The following DYM variants were observed in gnomAD, a reference collection of about 807,000 sequenced individuals.
DYM encodes the protein dymeclin.
Under a neutral mutation model 93.1 loss-of-function variants are expected in DYM, and 78 were observed. That is an observed-to-expected ratio of 0.84 (90% CI 0.70 to 1.01). The LOEUF is 1.01. Ranked by LOEUF, DYM falls within the 50% of genes least tolerant of loss-of-function variation. The pLI is 0.00. For synonymous variants in DYM, 321 were observed against 319.7 expected (o/e 1.00, Z -0.04); for missense variants, 789 against 845.0 (o/e 0.93, Z 0.82).
chr18:49,373,715 C>A (rs939049436), intron 5 of DYM, among the ~76,000 whole-genome samples: 10 of 152,268 alleles, frequency 6.6e-5, no homozygotes, highest in Non-Finnish European at 1.3e-4. Flanking sequence ...ATGCCTCTGA[C>A]AATATCACGT....
At chr18:49,108,766 T>C (rs1313262228) in intron 16 of DYM, among the ~76,000 whole-genome samples, 1 of 152,242 alleles carries the variant, frequency 6.6e-6, no homozygotes, top group Non-Finnish European at 1.5e-5. Flanking sequence ...TTCTGTATCA[T>C]CACAAATTTT....
intron 16 of DYM, among the ~76,000 whole-genome samples, chr18:49,102,879 T>C (rs1379575123): frequency 1.3e-5 from 2 of 152,208 alleles, no homozygotes; most frequent in African/African-American, 2.4e-5. Context: ...TAAACACACG[T>C]GTGCATGTGT....
chr18:49,436,478 T>C (rs183242003), intron 1 of DYM, among the ~76,000 whole-genome samples: 1 of 152,344 alleles, frequency 6.6e-6, no homozygotes, highest in East Asian at 1.9e-4. Context: ...AGGATATTGC[T>C]AGTTCCTTTT....
At chr18:49,220,375 G>T (rs768362045) in intron 13 of DYM, among the ~76,000 whole-genome samples, 4,531 of 149,274 alleles carry the variant, frequency 0.03, 124 homozygotes, top group Non-Finnish European at 0.044. Flanking sequence ...AGCTACCAAT[G>T]ACTTTCTTCA....
At chr18:49,113,490 T>C (rs977463113) in intron 16 of DYM, among the ~76,000 whole-genome samples, 1 of 152,206 alleles carries the variant, frequency 6.6e-6, no homozygotes, top group Admixed American at 6.5e-5. Flanking sequence ...ACGTTAAAAG[T>C]GCTCCAAGGT....
chr18:49,270,547 T>C (rs899479122), intron 11 of DYM, among the ~76,000 whole-genome samples: 2 of 152,140 alleles, frequency 1.3e-5, no homozygotes, highest in African/African-American at 4.8e-5. Context: ...TTCAGGATTT[T>C]TGCCAAAGGA....
At chr18:49,346,588 T>C (rs1316047313) in intron 6 of DYM, among the ~76,000 whole-genome samples, 4 of 151,596 alleles carry the variant, frequency 2.6e-5, no homozygotes, top group Admixed American at 2.0e-4. Context: ...TTTGTGAACA[T>C]ACTGCAAACC....
chr18:49,192,279 A>AT (rs1459062973), intron 14 of DYM, among the ~76,000 whole-genome samples: 3 of 152,074 alleles, frequency 2.0e-5, no homozygotes, highest in Non-Finnish European at 2.9e-5. Context: ...AAATGGGAAT[A>AT]ATAATATCTC....
intron 6 of DYM, among the ~76,000 whole-genome samples, chr18:49,356,594 G>C (rs1294639870): frequency 2.0e-5 from 3 of 152,124 alleles, no homozygotes; most frequent in Admixed American, 2.0e-4. Context: ...CTGTAGAAAG[G>C]CATTTTCCCA....
chr18:49,275,277 T>C (rs993863983), intron 10 of DYM, among the ~76,000 whole-genome samples: 7 of 152,154 alleles, frequency 4.6e-5, no homozygotes, highest in African/African-American at 1.7e-4. Context: ...CAGTTGATGA[T>C]AGGTATATGG....
chr18:49,181,023 A>G (rs564504237), intron 14 of DYM, among the ~76,000 whole-genome samples: 54 of 152,236 alleles, frequency 3.5e-4, no homozygotes, highest in African/African-American at 1.2e-3. Flanking sequence ...AACTGTGCAA[A>G]CCAAACACAG....
intron 16 of DYM, among the ~76,000 whole-genome samples, chr18:49,098,146 A>C (rs1454107655): frequency 6.6e-6 from 1 of 152,196 alleles, no homozygotes; most frequent in Non-Finnish European, 1.5e-5. Context: ...AAATGAAAAC[A>C]AAACATCATT....
At chr18:49,220,665 T>C (rs2093314024) in intron 13 of DYM, among the ~76,000 whole-genome samples, 1 of 152,200 alleles carries the variant, frequency 6.6e-6, no homozygotes, top group Non-Finnish European at 1.5e-5. Flanking sequence ...AAGGATTCCC[T>C]ATTTAATAAA....
chr18:49,225,446 A>G (rs2093495105), intron 13 of DYM, among the ~76,000 whole-genome samples: 1 of 152,108 alleles, frequency 6.6e-6, no homozygotes, highest in Non-Finnish European at 1.5e-5. Context: ...TGGCTGAAAC[A>G]CTGGAAAATA....
At chr18:49,224,268 G>A (rs953532636) in intron 13 of DYM, among the ~76,000 whole-genome samples, 1 of 152,028 alleles carries the variant, frequency 6.6e-6, no homozygotes, top group Admixed American at 6.6e-5. Context: ...TTCCATTTTC[G>A]ACATGCTGAG....
chr18:49,087,740 G>A (rs1210013627), intron 17 of DYM, among the ~76,000 whole-genome samples: 3 of 152,096 alleles, frequency 2.0e-5, no homozygotes, highest in Admixed American at 6.5e-5. Context: ...CACCAACAGT[G>A]TAAAAGTGTT....
intron 15 of DYM, among the ~76,000 whole-genome samples, chr18:49,126,874 A>C (rs1025682792): frequency 2.6e-5 from 4 of 152,244 alleles, no homozygotes; most frequent in Non-Finnish European, 5.9e-5. Context: ...AAGAACTCAG[A>C]ACTCATGTTT....
At chr18:49,190,501 GAATTCTT>G (rs1168637849) in intron 14 of DYM, among the ~76,000 whole-genome samples, 1 of 152,106 alleles carries the variant, frequency 6.6e-6, no homozygotes, top group African/African-American at 2.4e-5. Context: ...ACAATACATT[GAATTCTT>G]AAGACTTCTA....
At chr18:49,145,795 T>C (rs923375079) in intron 15 of DYM, among the ~76,000 whole-genome samples, 3 of 152,238 alleles carry the variant, frequency 2.0e-5, no homozygotes, top group Non-Finnish European at 4.4e-5. Context: ...CTGTTTGTTT[T>C]TAATGTCCTT....
Sources: gnomAD v4.1 joint callset for allele counts (sites outside exome capture counted in the v4.1 genomes callset) on GRCh38, gnomAD v4.1.1 for gene constraint, MANE v1.5 for transcripts, NCBI Gene and HGNC (gene_info 2026-07-23, HGNC 2026-07-21) for gene names.